The following RIN3 variants were observed in gnomAD, a reference collection of about 807,000 sequenced individuals.
RIN3 encodes the protein RAB5 interacting protein 3.
A neutral mutation model predicts 76.3 loss-of-function variants in RIN3; 54 were observed. The observed-to-expected ratio is 0.71, with a 90% CI of 0.57 to 0.89. The LOEUF (loss-of-function observed/expected upper bound fraction) is 0.89. RIN3 is among the 40% of genes least tolerant of loss of function. RIN3 has a pLI of 0.00. For synonymous variants in RIN3, 576 were observed against 564.0 expected (o/e 1.02, Z -0.30); for missense variants, 1,256 against 1,322.1 (o/e 0.95, Z 0.78).
At chr14:92,632,878 C>T (rs1470640500) in intron 4 of RIN3, among the ~76,000 whole-genome samples, 4 of 152,168 alleles carry the variant, frequency 2.6e-5, no homozygotes, top group Admixed American at 2.0e-4. Flanking sequence ...TGGGCAGAAC[C>T]GCATAATGGG....
In RIN3 at chr14:92,652,799, T is replaced by A; in HGVS notation, c.1750T>A (p.Phe584Ile). 1 of 1,614,004 alleles carries A rather than the reference T, an allele frequency of 6.2e-7. No individual in the cohort carries two copies. The highest frequency in any genetic ancestry group is 1.1e-5 in the South Asian group (1 of 91,086). The change falls in exon 6 of 10, where the codon TTT becomes ATT. Residue 584 changes from phenylalanine to isoleucine, a missense_variant. By Grantham distance (21) the Phe-to-Ile change is conservative (BLOSUM62 0). This residue lies in a region of RIN3 where 428 missense variants were observed against 521.2 expected (regional missense o/e 0.82). Coordinates refer to ENST00000216487, the MANE Select transcript of RIN3 (RefSeq NM_024832.5). This position sits in a 1 kb window ranked among gnomAD's most constrained non-coding sequence, Gnocchi z 6.4. Reference sequence around the variant, plus strand: ...GGGCAAGGCTCGGCACCGGCTGAGCTTTGCCAGTTTCAGCAGCATGTTCCA... The same window carrying A: ...GGGCAAGGCTCGGCACCGGCTGAGCATTGCCAGTTTCAGCAGCATGTTCCA... ...ILGKARHRLSFASFSSMFHAF... is the reference protein window; with the variant it reads ...ILGKARHRLSIASFSSMFHAF...
intron 6 of RIN3, among the ~76,000 whole-genome samples, chr14:92,657,092 C>A (rs1887697894): frequency 6.6e-6 from 1 of 152,314 alleles, no homozygotes; most frequent in East Asian, 1.9e-4. Context: ...GGTGTGGTGG[C>A]TCACACCTGT....
rs1896880940 is a variant in RIN3 at position 92,531,638 on chromosome 14, G to C, written c.44+17662G>C. On this transcript the variant is annotated intron_variant, in intron 1 of 9. Transcript: ENST00000216487. ...CAGAGGAAATGTGGTCACAGCAACT[G>C]TTAGGTGGGTTGCAGGGTGACTCAG... Among the ~76,000 whole-genome samples the C allele has an allele frequency of 3.3e-5, 5 of 152,206 alleles. No homozygotes were observed. In the South Asian group the frequency reaches 1.0e-3, roughly 31 times the overall value.
intron 3 of RIN3, among the ~76,000 whole-genome samples, chr14:92,577,683 C>A (rs1339221785): frequency 3.9e-5 from 6 of 152,208 alleles, no homozygotes; most frequent in Admixed American, 1.3e-4. Flanking sequence ...TTTCCACTCA[C>A]CCTCGTCGCA....
chr14:92,617,765 A>G (rs1886026704), intron 4 of RIN3, among the ~76,000 whole-genome samples: 1 of 152,198 alleles, frequency 6.6e-6, no homozygotes, highest in Admixed American at 6.5e-5. Flanking sequence ...CATTTGCTGT[A>G]TTTCTCCATA....
At chr14:92,632,823 C>T (rs1052096842) in intron 4 of RIN3, among the ~76,000 whole-genome samples, 12 of 152,320 alleles carry the variant, frequency 7.9e-5, no homozygotes, top group South Asian at 2.1e-4. Context: ...CATGGGCAAA[C>T]GCCTGGCAGT....
intron 2 of RIN3, among the ~76,000 whole-genome samples, chr14:92,569,258 G>C (rs1173307626): frequency 6.6e-6 from 1 of 152,230 alleles, no homozygotes; most frequent in Non-Finnish European, 1.5e-5. Flanking sequence ...GAGACCAGGA[G>C]ACAGAAGCAC....
At position 92,688,255 on chromosome 14, in the gene RIN3, C is replaced by G. The variant is rs745349916; in HGVS notation, c.*3C>G. On this transcript the variant is annotated 3_prime_UTR_variant, in exon 10 of 10. Coordinates refer to ENST00000216487, the MANE Select transcript of RIN3 (RefSeq NM_024832.5). ...TGCGGGAGCCCAACTTCCTGTGAGGCCCTCCCGGGGCGCCTCCCCTCACCC... is the reference window on the plus strand; with the variant it reads ...TGCGGGAGCCCAACTTCCTGTGAGGGCCTCCCGGGGCGCCTCCCCTCACCC... 18 of 1,573,716 alleles carry G rather than the reference C, an allele frequency of 1.1e-5. No individual in the cohort carries two copies. Among genetic ancestry groups the G allele is most frequent in the East Asian group, 2.3e-5 (1 of 43,908 alleles).
At position 92,656,113 on chromosome 14, in the gene RIN3, G is replaced by T. The variant is rs1230055486; in HGVS notation, c.2026+3038G>T. Among the ~76,000 whole-genome samples, 1 of 152,206 alleles carries T rather than the reference G, an allele frequency of 6.6e-6. No individual in the cohort carries two copies. Among genetic ancestry groups the T allele is most frequent in the Non-Finnish European group, 1.5e-5 (1 of 68,034 alleles). On this transcript the variant is annotated intron_variant, in intron 6 of 9. Coordinates refer to ENST00000216487, the MANE Select transcript of RIN3 (RefSeq NM_024832.5). The surrounding 1 kb of genome is among the most constrained non-coding windows in gnomAD (Gnocchi z 5.2). The stretch of plus-strand genomic sequence containing the variant: ...GGAAGGACATGGAAAACTCCAAGTG[G>T]CCCAGAGGAAACTGTGGTCAGCCCT...
intron 7 of RIN3, among the ~76,000 whole-genome samples, chr14:92,660,573 C>A (rs907253641): frequency 6.6e-6 from 1 of 152,220 alleles, no homozygotes; most frequent in Non-Finnish European, 1.5e-5. Flanking sequence ...ATGGCAGTAG[C>A]TGGGGCCCAA....
intron 2 of RIN3, among the ~76,000 whole-genome samples, chr14:92,567,072 A>G (rs1897934253): frequency 6.6e-6 from 1 of 152,132 alleles, no homozygotes; most frequent in South Asian, 2.1e-4. Flanking sequence ...CTCTGACACT[A>G]ATAAGTGATG....
At chr14:92,604,348 C>A (rs1178884708) in intron 3 of RIN3, among the ~76,000 whole-genome samples, 1 of 152,224 alleles carries the variant, frequency 6.6e-6, no homozygotes, top group East Asian at 1.9e-4. Context: ...AGATGTAGTG[C>A]CCCTTTTAGG....
chr14:92,516,689 G>A (rs1180553782), intron 1 of RIN3, among the ~76,000 whole-genome samples: 2 of 152,042 alleles, frequency 1.3e-5, no homozygotes, highest in Non-Finnish European at 2.9e-5. Context: ...GGGGGTGCAG[G>A]GTCCCCTTGG....
intron 3 of RIN3, among the ~76,000 whole-genome samples, chr14:92,608,417 C>T (rs573951537): frequency 6.6e-6 from 1 of 152,278 alleles, no homozygotes; most frequent in African/African-American, 2.4e-5. Context: ...TGGCAATGTA[C>T]CAACCACCAT....
In RIN3 at chr14:92,645,593, G is replaced by A. The variant is rs149955750; in HGVS notation, c.532+4264G>A. ...ACAGAAAGCAGATTGGCGATTGCCA[G>A]GGGCTGCATAGAAAGGGGGATGGAG... is the stretch of plus-strand genomic sequence containing the variant. On this transcript the variant is annotated intron_variant, in intron 5 of 9. Coordinates refer to ENST00000216487, the MANE Select transcript of RIN3 (RefSeq NM_024832.5). Among the ~76,000 whole-genome samples, 45 of 152,374 alleles carry A rather than the reference G, an allele frequency of 3.0e-4. 1 individual carries two copies. The highest frequency in any genetic ancestry group is 1.9e-3 in the East Asian group (10 of 5,190).
chr14:92,574,032 C>T (rs1898140222), intron 2 of RIN3, among the ~76,000 whole-genome samples: 1 of 152,320 alleles, frequency 6.6e-6, no homozygotes, highest in African/African-American at 2.4e-5. Context: ...GCAGGCACCA[C>T]CCCCACCCCT....
intron 4 of RIN3, among the ~76,000 whole-genome samples, chr14:92,626,609 C>G (rs1232798770): frequency 6.6e-6 from 1 of 152,106 alleles, no homozygotes; most frequent in African/African-American, 2.4e-5. Context: ...GATACTTAGG[C>G]TGACAAGGAA....
At chr14:92,630,578 C>T (rs548730392) in intron 4 of RIN3, among the ~76,000 whole-genome samples, 89 of 152,348 alleles carry the variant, frequency 5.8e-4, no homozygotes, top group African/African-American at 2.0e-3. Context: ...GCTGGAGCAG[C>T]GACTTCCTCT....
chr14:92,641,856 G>A (rs918207322), intron 5 of RIN3, among the ~76,000 whole-genome samples: 3 of 152,218 alleles, frequency 2.0e-5, no homozygotes, highest in African/African-American at 7.2e-5. Flanking sequence ...AGGGCAGGGT[G>A]TGTCTGACCC....
Sources: allele counts gnomAD v4.1 joint callset (sites outside exome capture counted in the v4.1 genomes callset), GRCh38; gene constraint gnomAD v4.1.1; regional missense constraint gnomAD v4.1.1; non-coding constraint Gnocchi (gnomAD v3.1); transcripts MANE v1.5; gene names NCBI Gene and HGNC (gene_info 2026-07-23, HGNC 2026-07-21).